Variants in LAMA2 observed in about 807,000 individuals in gnomAD.
The protein encoded by LAMA2 is laminin subunit alpha-2.
A neutral mutation model predicts 364.8 loss-of-function variants in LAMA2; 269 were observed. That is an observed-to-expected ratio of 0.74 (90% CI 0.67 to 0.82). LAMA2 has a LOEUF of 0.82. LAMA2 is among the 40% of genes least tolerant of loss of function. The pLI, the probability that LAMA2 is intolerant of heterozygous loss-of-function variation, is 0.00. For synonymous variants in LAMA2, 1,379 were observed against 1,370.6 expected (o/e 1.01, Z -0.14); for missense variants, 3,807 against 3,873.2 (o/e 0.98, Z 0.45).
At chr6:129,474,444 G>A (rs1335732172) in intron 52 of LAMA2, among the ~76,000 whole-genome samples, 1 of 152,094 alleles carries the variant, frequency 6.6e-6, no homozygotes, top group East Asian at 1.9e-4. Context: ...TAAATTTAAA[G>A]TGTCAAGTCA....
chr6:129,024,655 C>G (rs1034102600), intron 1 of LAMA2, among the ~76,000 whole-genome samples: 3 of 152,126 alleles, frequency 2.0e-5, no homozygotes, highest in Non-Finnish European at 4.4e-5. Context: ...CTTGGCCTCC[C>G]AAAGTGCTGG....
In LAMA2 at chr6:129,243,949, CAGAT is replaced by C. The variant is rs577140435; in HGVS notation, c.1783-6160_1783-6157del. Among the ~76,000 whole-genome samples, 881 of 151,528 alleles carry C rather than the reference CAGAT, an allele frequency of 5.8e-3. 6 individuals carry two copies. Among genetic ancestry groups the C allele is most frequent in the African/African-American group, 0.02 (839 of 41,340 alleles). On this transcript the variant is annotated intron_variant, in intron 12 of 64. Coordinates refer to ENST00000421865, the MANE Select transcript of LAMA2 (RefSeq NM_000426.4). ...CAGGAAAAAAAGAGGGCAGGAAAAG[CAGAT>C]AGGAAGGAAAAAAAAGGTGGAAGAG...
intron 1 of LAMA2, among the ~76,000 whole-genome samples, chr6:129,027,868 A>G (rs182470671): frequency 6.6e-6 from 1 of 151,936 alleles, no homozygotes; most frequent in African/African-American, 2.4e-5. Context: ...GGGAAGGTGT[A>G]TCAGAGTGAG....
chr6:129,167,317 C>G (rs1001533870), intron 9 of LAMA2, among the ~76,000 whole-genome samples: 42 of 129,308 alleles, frequency 3.2e-4, no homozygotes, highest in African/African-American at 1.1e-3. Flanking sequence ...CCCCCTCCCC[C>G]CACCCCACAA....
In LAMA2 at chr6:129,503,242, A is replaced by G; in HGVS notation, c.8509A>G (p.Met2837Val). 1.9e-6 allele frequency: 3 copies of G among 1,614,086 alleles called. No individual in the cohort carries two copies. The highest frequency in any genetic ancestry group is 2.5e-6 in the Non-Finnish European group (3 of 1,179,988). Residue 2837 changes from methionine (M) to valine (V), a missense_variant, in exon 60 of 65, where the codon ATG becomes GTG. Coordinates refer to ENST00000421865, the MANE Select transcript of LAMA2 (RefSeq NM_000426.4). Reference sequence around the variant, plus strand: ...CTTGGGGAGTGGGGACACCCACACCATGATCCCCACCAAAATCAATGATGG... The same window carrying G: ...CTTGGGGAGTGGGGACACCCACACCGTGATCCCCACCAAAATCAATGATGG... ...YDLGSGDTHT[M>V]IPTKINDGQW...
chr6:129,344,645 G>T (rs1776444007), intron 30 of LAMA2, among the ~76,000 whole-genome samples: 1 of 152,126 alleles, frequency 6.6e-6, no homozygotes, highest in Non-Finnish European at 1.5e-5. Flanking sequence ...GTTATCCAAG[G>T]CGAGTATATA....
intron 21 of LAMA2, among the ~76,000 whole-genome samples, chr6:129,299,418 A>G (rs1194694362): frequency 6.6e-6 from 1 of 151,910 alleles, no homozygotes. Flanking sequence ...AGCATTTATC[A>G]TTATTATTAT....
Position 129,188,098 on chromosome 6 carries a change from A to G in LAMA2, c.1468-2107A>G, listed in dbSNP as rs555133328. On this transcript the variant is annotated intron_variant, in intron 10 of 64. Coordinates refer to ENST00000421865, the MANE Select transcript of LAMA2 (RefSeq NM_000426.4). The stretch of plus-strand genomic sequence containing the variant: ...TTCCTCTATGTTCCCGTAATTATTT[A>G]TTTCTCAGATGCACTTACCATATTC... Among the ~76,000 whole-genome samples the G allele has an allele frequency of 6.6e-5, 10 of 151,912 alleles. No homozygotes were observed. The East Asian group carries it at 1.7e-3, about 26-fold the overall frequency.
intron 1 of LAMA2, among the ~76,000 whole-genome samples, chr6:128,976,953 G>A (rs961610717): frequency 7.2e-5 from 11 of 152,172 alleles, no homozygotes; most frequent in Admixed American, 3.9e-4. Context: ...GAAGACTACT[G>A]TGTGCTAGTA....
intron 1 of LAMA2, among the ~76,000 whole-genome samples, chr6:129,020,966 A>G (rs1188033252): frequency 6.6e-6 from 1 of 152,204 alleles, no homozygotes; most frequent in East Asian, 1.9e-4. Context: ...CCTGTACAGA[A>G]AAGTTTGCAT....
intron 12 of LAMA2, among the ~76,000 whole-genome samples, chr6:129,245,198 G>A (rs1785667346): frequency 6.6e-6 from 1 of 152,134 alleles, no homozygotes; most frequent in South Asian, 2.1e-4. Context: ...TTATGAAATG[G>A]AATGAACCGC....
At chr6:129,478,469 G>A (rs1353466602) in intron 53 of LAMA2, among the ~76,000 whole-genome samples, 2 of 152,058 alleles carry the variant, frequency 1.3e-5, no homozygotes, top group East Asian at 3.9e-4. Context: ...ATTGCTAAAG[G>A]GGAGAAGGAC....
chr6:129,163,485 T>A (rs1779565604), intron 8 of LAMA2, among the ~76,000 whole-genome samples: 1 of 151,916 alleles, frequency 6.6e-6, no homozygotes, highest in African/African-American at 2.4e-5. Flanking sequence ...AATACAAAAT[T>A]TAGCCAGGCA....
At chr6:129,345,772 C>G (rs922546013) in intron 30 of LAMA2, among the ~76,000 whole-genome samples, 10 of 151,934 alleles carry the variant, frequency 6.6e-5, no homozygotes, top group Admixed American at 6.6e-4. Context: ...AAATTTTAGC[C>G]AAAACCTACT....
chr6:129,017,874 G>C (rs1278903184), intron 1 of LAMA2, among the ~76,000 whole-genome samples: 1 of 151,694 alleles, frequency 6.6e-6, no homozygotes, highest in African/African-American at 2.4e-5. Context: ...TTTTTTTTAA[G>C]TTAGCATCAA....
chr6:129,187,781 G>T (rs1781313496), intron 10 of LAMA2, among the ~76,000 whole-genome samples: 1 of 151,754 alleles, frequency 6.6e-6, no homozygotes. Context: ...ATGCTCTAGT[G>T]AACATTCCAT....
intron 20 of LAMA2, among the ~76,000 whole-genome samples, chr6:129,292,537 G>A (rs1789781456): frequency 6.6e-6 from 1 of 152,170 alleles, no homozygotes; most frequent in African/African-American, 2.4e-5. Context: ...ACAGCATGTT[G>A]TTCTCAGTCC....
At chr6:129,279,651 G>A (rs977191077) in intron 17 of LAMA2, among the ~76,000 whole-genome samples, 1 of 152,128 alleles carries the variant, frequency 6.6e-6, no homozygotes, top group Non-Finnish European at 1.5e-5. Context: ...ACCACATACT[G>A]AGATTTCCAA....
chr6:129,514,130 C>G (rs1283996161), intron 63 of LAMA2, among the ~76,000 whole-genome samples: 1 of 152,152 alleles, frequency 6.6e-6, no homozygotes, highest in South Asian at 2.1e-4. Flanking sequence ...ACCAGCTTTA[C>G]GTATCTTGCC....
Sources: gnomAD v4.1 joint callset for allele counts (sites outside exome capture counted in the v4.1 genomes callset) on GRCh38, gnomAD v4.1.1 for gene constraint, MANE v1.5 for transcripts, NCBI Gene and HGNC (gene_info 2026-07-23, HGNC 2026-07-21) for gene names.